The following GPATCH2 variants were observed in gnomAD, a reference collection of about 807,000 sequenced individuals.
GPATCH2 encodes the protein G patch domain-containing protein 2.
Under a neutral mutation model 58.0 loss-of-function variants are expected in GPATCH2, and 51 were observed. The observed-to-expected ratio is 0.88, with a 90% CI of 0.70 to 1.11. The LOEUF (loss-of-function observed/expected upper bound fraction) is 1.11, where lower values mean the gene tolerates loss of function less well. Ranked by LOEUF, GPATCH2 falls within the 50% of genes most tolerant of loss-of-function variation. The probability of loss-of-function intolerance (pLI) is 0.00; values close to 1 mark genes in which losing one functional copy is unlikely to be tolerated. For missense variants in GPATCH2, 625 were observed against 652.2 expected (o/e 0.96, Z 0.45); for synonymous variants, 222 against 218.5 (o/e 1.02, Z -0.14).
intron 5 of GPATCH2, among the ~76,000 whole-genome samples, chr1:217,599,455 C>G (rs562808406): frequency 2.0e-5 from 3 of 152,304 alleles, no homozygotes; most frequent in African/African-American, 7.2e-5. Context: ...AAGGCTCAGA[C>G]TTGTCTAGAT....
rs141862142 is a variant in GPATCH2, at chr1:217,514,476, G to A, written c.1166+346C>T. Among the ~76,000 whole-genome samples, 66 of 152,232 alleles carry A rather than the reference G, an allele frequency of 4.3e-4. No homozygotes were observed. In the South Asian group the frequency reaches 0.013, roughly 31 times the overall value. ...GACTGGCTTATTACTCTTCATTTTA[G>A]TATTTTAGAAGGGTTGGGATAGAGA... is the stretch of plus-strand genomic sequence containing the variant. On this transcript the variant is annotated intron_variant, in intron 6 of 9. Coordinates refer to ENST00000366935, the MANE Select transcript of GPATCH2 (RefSeq NM_018040.5).
chr1:217,564,216 T>C (rs1180376237), intron 5 of GPATCH2, among the ~76,000 whole-genome samples: 1 of 152,128 alleles, frequency 6.6e-6, no homozygotes, highest in Non-Finnish European at 1.5e-5. Flanking sequence ...AGGGTAACGT[T>C]ATTTGCAAAT....
At chr1:217,552,246 C>G (rs1448881919) in intron 5 of GPATCH2, among the ~76,000 whole-genome samples, 2 of 152,046 alleles carry the variant, frequency 1.3e-5, no homozygotes, top group South Asian at 2.1e-4. Flanking sequence ...CTGAAGCAAC[C>G]TCAACTAAAG....
In GPATCH2 at chr1:217,449,235, T is replaced by C. The variant is rs1019918201; in HGVS notation, c.1366+14A>G. ...CTACATTTGTGCTCCACTCTAACCC[T>C]GCTTTTGTTTTACCTGCAGTAGTAG... On this transcript the variant is annotated intron_variant, in intron 9 of 9. Coordinates refer to ENST00000366935, the MANE Select transcript of GPATCH2 (RefSeq NM_018040.5). The C allele has an allele frequency of 2.8e-6, 4 of 1,429,086 alleles. No homozygotes were observed. Among genetic ancestry groups the C allele is most frequent in the Non-Finnish European group, 4.0e-6 (4 of 1,011,232 alleles). 88.5% of individuals were successfully genotyped at this position (1,429,086 alleles called of 1,614,324 possible).
intron 8 of GPATCH2, among the ~76,000 whole-genome samples, chr1:217,475,705 C>T (rs1306534958): frequency 6.6e-6 from 1 of 152,094 alleles, no homozygotes; most frequent in Non-Finnish European, 1.5e-5. Flanking sequence ...GCAATGCCTT[C>T]AAAACCCTGA....
At chr1:217,512,194 T>C (rs1432128848) in intron 6 of GPATCH2, among the ~76,000 whole-genome samples, 2 of 152,034 alleles carry the variant, frequency 1.3e-5, no homozygotes, top group Non-Finnish European at 2.9e-5. Flanking sequence ...TGGTGGCCCA[T>C]GCTTGTAGTC....
intron 1 of GPATCH2, among the ~76,000 whole-genome samples, chr1:217,623,818 C>A (rs988461867): frequency 6.6e-6 from 1 of 152,076 alleles, no homozygotes; most frequent in African/African-American, 2.4e-5. Flanking sequence ...AGAAGAATCA[C>A]TTGAACCCAG....
At chr1:217,456,375 G>A (rs1479029780) in intron 8 of GPATCH2, among the ~76,000 whole-genome samples, 2 of 152,144 alleles carry the variant, frequency 1.3e-5, no homozygotes, top group Non-Finnish European at 2.9e-5. Flanking sequence ...TGGACCAACA[G>A]ACAAGCCACA....
At chr1:217,445,072 T>C (rs1486350028) in intron 9 of GPATCH2, among the ~76,000 whole-genome samples, 15 of 152,242 alleles carry the variant, frequency 9.9e-5, no homozygotes, top group Admixed American at 7.8e-4. Flanking sequence ...AGCTGTAATG[T>C]AACCTCTTGC....
At chr1:217,578,118 C>T (rs978173671) in intron 5 of GPATCH2, among the ~76,000 whole-genome samples, 2 of 142,552 alleles carry the variant, frequency 1.4e-5, no homozygotes, top group African/African-American at 5.2e-5. Context: ...AAGTACCAGG[C>T]AAATTTGATT....
chr1:217,476,669 A>G (rs373673375), intron 8 of GPATCH2, among the ~76,000 whole-genome samples: 1 of 152,126 alleles, frequency 6.6e-6, no homozygotes. Context: ...CTGCCCACGG[A>G]GGAAACATTT....
intron 3 of GPATCH2, among the ~76,000 whole-genome samples, chr1:217,613,053 A>G (rs1668709235): frequency 6.6e-6 from 1 of 151,980 alleles, no homozygotes; most frequent in Non-Finnish European, 1.5e-5. Context: ...ATTTTATTTC[A>G]TAACCAATAT....
At chr1:217,533,179 A>G (rs1664288094) in intron 5 of GPATCH2, among the ~76,000 whole-genome samples, 1 of 151,938 alleles carries the variant, frequency 6.6e-6, no homozygotes, top group South Asian at 2.1e-4. Context: ...ACAGTGCTGG[A>G]ATTACAGGCA....
At chr1:217,432,125 G>T (rs932472639) in intron 9 of GPATCH2, among the ~76,000 whole-genome samples, 50 of 151,810 alleles carry the variant, frequency 3.3e-4, no homozygotes, top group African/African-American at 6.5e-4. Context: ...TAGGCCTCCA[G>T]AGATAGATAT....
intron 4 of GPATCH2, among the ~76,000 whole-genome samples, chr1:217,610,624 G>A (rs935597803): frequency 6.6e-6 from 1 of 152,162 alleles, no homozygotes; most frequent in Admixed American, 6.5e-5. Flanking sequence ...AATCACTAGA[G>A]TAATAAATAC....
At chr1:217,559,873 G>GGA (rs59474147) in intron 5 of GPATCH2, among the ~76,000 whole-genome samples, 5,393 of 143,050 alleles carry the variant, frequency 0.038, 182 homozygotes, top group East Asian at 0.17. Context: ...AAATCCAGAG[G>GGA]GAGAGAGAGA....
At chr1:217,487,385 A>G (rs546379564) in intron 8 of GPATCH2, among the ~76,000 whole-genome samples, 1 of 151,754 alleles carries the variant, frequency 6.6e-6, no homozygotes, top group South Asian at 2.1e-4. Flanking sequence ...TGATATTAAT[A>G]TAGTTGCTTC....
rs1037399127 is a variant in GPATCH2 at position 217,430,892 on chromosome 1, A to G, written c.*253T>C. The G allele has an allele frequency of 1.9e-5, 10 of 522,836 alleles. No homozygotes were observed. Among genetic ancestry groups the G allele is most frequent in the Non-Finnish European group, 3.4e-5 (10 of 293,962 alleles). 32.4% of individuals were successfully genotyped at this position (522,836 alleles called of 1,614,324 possible). ...GAGACTAAAATAAATAAGAGAAACG[A>G]GCTGCTCTTTATACCTAGAAATAGC... On this transcript the variant is annotated 3_prime_UTR_variant, in exon 10 of 10. Transcript: ENST00000366935.
At position 217,431,101 on chromosome 1, in the gene GPATCH2, G is replaced by C. The variant is rs1658511784; in HGVS notation, c.*44C>G. ...TCATGTTATCATTTTAGAACAATGG[G>C]ACATAGTGAATAAAGTCTGTAAAAC... On this transcript the variant is annotated 3_prime_UTR_variant, in exon 10 of 10. Transcript: ENST00000366935. 1.1e-6 allele frequency: 1 copy of C among 941,550 alleles called. No homozygotes were observed. Among genetic ancestry groups the C allele is most frequent in the Admixed American group, 1.7e-5 (1 of 59,034 alleles). The allele number at this position is 941,550 out of a possible 1,614,324, so 58.3% of individuals were successfully genotyped here.
Sources: allele counts gnomAD v4.1 joint callset (sites outside exome capture counted in the v4.1 genomes callset), GRCh38; gene constraint gnomAD v4.1.1; transcripts MANE v1.5; gene names NCBI Gene and HGNC (gene_info 2026-07-23, HGNC 2026-07-21).